Variants in ST14 observed in about 807,000 individuals in gnomAD.
The protein encoded by ST14 is suppressor of tumorigenicity 14 protein.
In ST14, 40 loss-of-function variants were observed where a neutral mutation model predicts 96.5. The ratio of observed to expected loss-of-function variants is 0.41; its 90% CI spans 0.32 to 0.54. The LOEUF (loss-of-function observed/expected upper bound fraction) is 0.54. Among genes scored for constraint, ST14 ranks in the 20% least tolerant of loss-of-function variants. The pLI, the probability that ST14 is intolerant of heterozygous loss-of-function variation, is 0.17. For synonymous variants in ST14, 506 were observed against 492.1 expected (o/e 1.03, Z -0.37); for missense variants, 1,066 against 1,188.9 (o/e 0.90, Z 1.52).
intron 1 of ST14, among the ~76,000 whole-genome samples, chr11:130,185,349 T>C (rs528993541): frequency 6.6e-6 from 1 of 152,164 alleles, no homozygotes; most frequent in South Asian, 2.1e-4. Context: ...GATTAAGGAA[T>C]GGTAGACCAG....
At position 130,209,686 on chromosome 11, in the gene ST14, A is replaced by G. The variant is rs1214193144; in HGVS notation, c.2431A>G (p.Ser811Gly). The G allele has an allele frequency of 3.7e-6, 6 of 1,613,294 alleles. No individual in the cohort carries two copies. The highest frequency in any genetic ancestry group is 1.3e-5 in the African/African-American group (1 of 74,920). The change falls in exon 19 of 19, where the codon AGC (serine) becomes GGC (glycine). Residue 811 changes from serine (S) to glycine (G), a missense_variant. Coordinates refer to ENST00000278742, the MANE Select transcript of ST14 (RefSeq NM_021978.4). ...GGGTGATTCCGGGGGACCCCTGTCCAGCGTGGAGGCGGATGGGCGGATCTT... is the reference window on the plus strand; with the variant it reads ...GGGTGATTCCGGGGGACCCCTGTCCGGCGTGGAGGCGGATGGGCGGATCTT... ...CQGDSGGPLSSVEADGRIFQA... is the reference protein window; with the variant it reads ...CQGDSGGPLSGVEADGRIFQA...
At position 130,198,980 on chromosome 11, in the gene ST14, G is replaced by C; in HGVS notation, c.1718G>C (p.Arg573Pro). Residue 573 changes from arginine (R) to proline (P), a missense_variant, in exon 15 of 19, where the codon CGC becomes CCC. Arg to Pro is a moderately radical substitution (Grantham distance 103). Transcript: ENST00000278742. ...GTCACTTGTACCAAACACACCTACC[G>C]CTGCCTCAATGGGCTCTGCTTGAGC... The part of the protein sequence containing the change: ...NVVTCTKHTY[R>P]CLNGLCLSKG... 6.2e-7 allele frequency: 1 copy of C among 1,614,044 alleles called. No homozygotes were observed. The highest frequency in any genetic ancestry group is 8.5e-7 in the Non-Finnish European group (1 of 1,179,976).
At chr11:130,186,825 G>T (rs763868777) in intron 1 of ST14, among the ~76,000 whole-genome samples, 1 of 152,126 alleles carries the variant, frequency 6.6e-6, no homozygotes, top group Non-Finnish European at 1.5e-5. Flanking sequence ...TATGGCGTTG[G>T]CATATTATTT....
At chr11:130,186,621 C>A (rs1347203354) in intron 1 of ST14, among the ~76,000 whole-genome samples, 2 of 151,974 alleles carry the variant, frequency 1.3e-5, no homozygotes, top group East Asian at 1.9e-4. Flanking sequence ...AAGACATATA[C>A]AAAGAAAGGA....
chr11:130,165,258 T>A (rs1953032252), intron 1 of ST14, among the ~76,000 whole-genome samples: 1 of 152,178 alleles, frequency 6.6e-6, no homozygotes, highest in South Asian at 2.1e-4. Context: ...ATTCATCAGA[T>A]TTGGGTAAGA....
At chr11:130,197,018 C>A (rs939445862) in intron 11 of ST14, among the ~76,000 whole-genome samples, 2 of 152,190 alleles carry the variant, frequency 1.3e-5, no homozygotes, top group African/African-American at 4.8e-5. Context: ...TGACTTTGAT[C>A]ATCTGTGCTT....
chr11:130,165,110 C>T (rs182232995), intron 1 of ST14, among the ~76,000 whole-genome samples: 82 of 152,234 alleles, frequency 5.4e-4, no homozygotes, highest in African/African-American at 1.6e-3. Flanking sequence ...TGCCTGAGGT[C>T]GCAGAGCAAA....
At position 130,197,875 on chromosome 11, in the gene ST14, G is replaced by T; in HGVS notation, c.1389G>T (p.Arg463=). ...GGCAGTTCACGTGCCGCACGGGGCG[G>T]TGTATCCGGAAGGAGCTGCGCTGTG... ...CPGQFTCRTG[R]CIRKELRCDG... The change falls in exon 12 of 19, where the codon CGG becomes CGT. Residue 463 remains arginine (R), a synonymous_variant. Transcript: ENST00000278742. The T allele has an allele frequency of 3.1e-6, 5 of 1,593,696 alleles. No homozygotes were observed. Among genetic ancestry groups the T allele is most frequent in the Non-Finnish European group, 3.4e-6 (4 of 1,173,444 alleles).
chr11:130,160,609 C>T (rs1354431062), intron 1 of ST14, among the ~76,000 whole-genome samples: 3 of 152,070 alleles, frequency 2.0e-5, no homozygotes, highest in African/African-American at 7.2e-5. Flanking sequence ...CTGGGCTTCT[C>T]GAGAGGGGAT....
chr11:130,198,094 TC>T, intron 12 of ST14, 149 bp downstream of exon 12: 1 of 889,536 alleles, frequency 1.1e-6, no homozygotes. Flanking sequence ...CTGGCCCCAC[TC>T]CCCACCCTGC....
chr11:130,183,637 A>G (rs1044573288), intron 1 of ST14, among the ~76,000 whole-genome samples: 8 of 152,100 alleles, frequency 5.3e-5, no homozygotes, highest in African/African-American at 1.9e-4. Context: ...AACAGCGTAT[A>G]TTGCTCAACT....
chr11:130,200,245 T>G, intron 16 of ST14, 108 bp downstream of exon 16: 1 of 1,271,688 alleles, frequency 7.9e-7, no homozygotes, highest in South Asian at 1.3e-5. Flanking sequence ...GGTGGCCACA[T>G]GTGTTAGTCC....
chr11:130,196,492 G>A, intron 10 of ST14, 44 bp downstream of exon 10: 1 of 1,586,010 alleles, frequency 6.3e-7, no homozygotes, highest in Middle Eastern at 1.7e-4. Context: ...CATGCTGCAG[G>A]GGGAGGGGTC....
Position 130,160,891 on chromosome 11 carries a change from C to T in ST14, c.81+831C>T, listed in dbSNP as rs541727407. Among the ~76,000 whole-genome samples the T allele has an allele frequency of 3.9e-5, 6 of 152,288 alleles. No homozygotes were observed. The South Asian group carries it at 1.2e-3, about 32-fold the overall frequency. On this transcript the variant is annotated intron_variant, in intron 1 of 18. Coordinates refer to ENST00000278742, the MANE Select transcript of ST14 (RefSeq NM_021978.4). ...TGTCCAAGGCAGACCCCCAGGTTTC[C>T]TGGAAGGCCAGGGCATACCAGGTCA... is the stretch of plus-strand genomic sequence containing the variant.
intron 16 of ST14, among the ~76,000 whole-genome samples, chr11:130,207,876 G>T (rs1018864267): frequency 2.0e-5 from 3 of 152,184 alleles, no homozygotes; most frequent in East Asian, 1.9e-4. Context: ...ATCGAGACCA[G>T]CCTGACCACC....
intron 1 of ST14, among the ~76,000 whole-genome samples, chr11:130,179,587 C>T (rs969138019): frequency 6.6e-6 from 1 of 152,206 alleles, no homozygotes; most frequent in African/African-American, 2.4e-5. Flanking sequence ...CTGCTCTGTG[C>T]ACAGCTGCTG....
At chr11:130,193,151 C>T (rs1323357733) in intron 7 of ST14, among the ~76,000 whole-genome samples, 1 of 151,376 alleles carries the variant, frequency 6.6e-6, no homozygotes. Context: ...TGCAGTGGCG[C>T]AATCATAGCT....
At chr11:130,198,010 C>A in intron 12 of ST14, 65 bp downstream of exon 12, 1 of 1,477,026 alleles carries the variant, frequency 6.8e-7, no homozygotes, top group Non-Finnish European at 9.2e-7. Context: ...GTCCCATGGC[C>A]CTGCTGGCTG....
intron 16 of ST14, among the ~76,000 whole-genome samples, chr11:130,207,412 G>A (rs773306065): frequency 6.6e-6 from 1 of 152,202 alleles, no homozygotes; most frequent in African/African-American, 2.4e-5. Context: ...TTAGCCAGGC[G>A]TGGCTGCACA....
Sources: allele counts gnomAD v4.1 joint callset (sites outside exome capture counted in the v4.1 genomes callset), GRCh38; gene constraint gnomAD v4.1.1; transcripts MANE v1.5; gene names NCBI Gene and HGNC (gene_info 2026-07-23, HGNC 2026-07-21).